RTN3: variants seen among roughly 807,000 people sequenced by gnomAD.
The protein encoded by RTN3 is reticulon-3.
In RTN3, 49 loss-of-function variants were observed where a neutral mutation model predicts 77.8. The ratio of observed to expected loss-of-function variants is 0.63; its 90% CI spans 0.50 to 0.80. The LOEUF (loss-of-function observed/expected upper bound fraction) is 0.80. Among genes scored for constraint, RTN3 ranks in the 30% least tolerant of loss-of-function variants. The probability of loss-of-function intolerance (pLI) is 0.00; values close to 1 mark genes in which losing one functional copy is unlikely to be tolerated. For missense variants in RTN3, 1,236 were observed against 1,211.9 expected (o/e 1.02, Z -0.29); for synonymous variants, 464 against 446.9 (o/e 1.04, Z -0.48).
chr11:63,717,175 A>G (rs1470670324), intron 2 of RTN3, among the ~76,000 whole-genome samples: 1 of 151,858 alleles, frequency 6.6e-6, no homozygotes, highest in Non-Finnish European at 1.5e-5. Context: ...AATACAAACA[A>G]ACAAATAAAT....
At chr11:63,756,070 T>A (rs777747721) in intron 7 of RTN3, 42 bp from the exon 8 acceptor site, 2 of 1,423,360 alleles carry the variant, frequency 1.4e-6, no homozygotes, top group East Asian at 4.6e-5. Flanking sequence ...AAATTGGTGA[T>A]CTGTATGTTA....
rs193091338 is a variant in RTN3, at chr11:63,695,082, G to T, written c.143-9769G>T. 2.1e-3 allele frequency among the ~76,000 whole-genome samples: 314 copies of T among 152,226 alleles called. 2 individuals are homozygous for T. The highest frequency in any genetic ancestry group is 3.5e-3 in the Non-Finnish European group (240 of 68,010). On this transcript the variant is annotated intron_variant, in intron 1 of 8. Transcript: ENST00000377819. ...AATCTAAAAATCTCTTAGAGTTTGG[G>T]TTTCAGCAAACATTTATGAAGCTCC...
rs2012322756 is a variant in RTN3 at position 63,726,915 on chromosome 11, C to CCTG, written c.2530+5883_2530+5884insCTG. Among the ~76,000 whole-genome samples the CCTG allele has an allele frequency of 2.8e-5, 4 of 143,376 alleles. No homozygotes were observed. In the South Asian group the frequency reaches 8.9e-4, roughly 32 times the overall value. The allele number at this position is 143,376 out of a possible 152,430, so 94.1% of individuals were successfully genotyped here. A position where few individuals can be genotyped will look rare whatever the true frequency, so the allele number is the denominator to read the frequency against. The stretch of plus-strand genomic sequence containing the variant: ...CCGAGTTTGTAGTTTGAAGGCCAGG[C>CCTG]ACAGTGGCTCATGCCTGTAATCCCA... On this transcript the variant is annotated intron_variant, in intron 3 of 8. Coordinates refer to ENST00000377819, the MANE Select transcript of RTN3 (RefSeq NM_001265589.2).
At chr11:63,755,321 G>A (rs892724698) in intron 7 of RTN3, among the ~76,000 whole-genome samples, 23 of 152,238 alleles carry the variant, frequency 1.5e-4, no homozygotes, top group African/African-American at 4.8e-4. Context: ...TGTTTATGGT[G>A]TAATTTGGAT....
intron 2 of RTN3, among the ~76,000 whole-genome samples, chr11:63,712,072 C>T (rs1363482305): frequency 1.3e-5 from 2 of 152,188 alleles, no homozygotes; most frequent in South Asian, 2.1e-4. Flanking sequence ...TTTGTACCAA[C>T]GTATTCAGAC....
At chr11:63,709,692 G>A (rs536413536) in intron 2 of RTN3, among the ~76,000 whole-genome samples, 2 of 152,058 alleles carry the variant, frequency 1.3e-5, no homozygotes, top group African/African-American at 4.8e-5. Context: ...TTGATGCTGT[G>A]GCTGCAAGTT....
Position 63,746,151 on chromosome 11 carries a change from G to T in RTN3, c.2531-3840G>T, listed in dbSNP as rs140192678. ...TCTGATTTGCATCTAGGCACATGTC[G>T]TCTTTATCCCTTTTCCTTCTCTGAT... On this transcript the variant is annotated intron_variant, in intron 3 of 8. Coordinates refer to ENST00000377819, the MANE Select transcript of RTN3 (RefSeq NM_001265589.2). 2.6e-5 allele frequency among the ~76,000 whole-genome samples: 4 copies of T among 152,232 alleles called. No individual in the cohort carries two copies. The East Asian group carries it at 5.8e-4, about 22-fold the overall frequency.
intron 1 of RTN3, among the ~76,000 whole-genome samples, chr11:63,695,019 C>G (rs1039217052): frequency 1.3e-5 from 2 of 152,144 alleles, no homozygotes; most frequent in Non-Finnish European, 2.9e-5. Context: ...TGTCCAGTTA[C>G]TAGTTACTAC....
chr11:63,747,569 A>G (rs749432567), intron 3 of RTN3, among the ~76,000 whole-genome samples: 1 of 152,124 alleles, frequency 6.6e-6, no homozygotes, highest in Non-Finnish European at 1.5e-5. Flanking sequence ...CTTATATACA[A>G]TCAGCATATT....
chr11:63,711,351 G>A (rs2011155602), intron 2 of RTN3, among the ~76,000 whole-genome samples: 2 of 151,508 alleles, frequency 1.3e-5, no homozygotes, highest in African/African-American at 2.4e-5. Flanking sequence ...AAGTTCTCTT[G>A]TGGGGTTTTT....
At chr11:63,701,436 A>G (rs1392436058) in intron 1 of RTN3, among the ~76,000 whole-genome samples, 1 of 152,268 alleles carries the variant, frequency 6.6e-6, no homozygotes, top group Non-Finnish European at 1.5e-5. Context: ...TTTTATTTAA[A>G]TCATCTACAT....
intron 3 of RTN3, 69 bp downstream of exon 3, chr11:63,721,101 A>T (rs17615385): frequency 0.046 from 63,424 of 1,387,488 alleles, 1,795 homozygotes; most frequent in South Asian, 0.1. Flanking sequence ...CGTGCCATTT[A>T]TGTTAGTCTG....
chr11:63,686,492 A>G (rs901791795), intron 1 of RTN3, among the ~76,000 whole-genome samples: 4 of 147,248 alleles, frequency 2.7e-5, no homozygotes, highest in African/African-American at 7.5e-5. Flanking sequence ...AAAAAAAAAG[A>G]ACAAATTCTA....
At chr11:63,714,782 A>G (rs1310360143) in intron 2 of RTN3, among the ~76,000 whole-genome samples, 1 of 152,022 alleles carries the variant, frequency 6.6e-6, no homozygotes, top group Non-Finnish European at 1.5e-5. Flanking sequence ...CAAAGTTCTA[A>G]GATACAGGCA....
At chr11:63,702,577 G>T (rs1406902637) in intron 1 of RTN3, among the ~76,000 whole-genome samples, 1 of 151,850 alleles carries the variant, frequency 6.6e-6, no homozygotes, top group Non-Finnish European at 1.5e-5. Flanking sequence ...ACCTCCCAAA[G>T]TGCTGGGATT....
intron 1 of RTN3, among the ~76,000 whole-genome samples, chr11:63,689,685 C>T (rs188078149): frequency 1.3e-5 from 2 of 151,170 alleles, no homozygotes; most frequent in East Asian, 3.9e-4. Flanking sequence ...ATCATTGTAA[C>T]CTAACCAGAG....
intron 3 of RTN3, among the ~76,000 whole-genome samples, chr11:63,739,669 C>G (rs2013344816): frequency 6.6e-6 from 1 of 152,194 alleles, no homozygotes; most frequent in African/African-American, 2.4e-5. Flanking sequence ...AGGATCTACT[C>G]CCCATCCCAC....
intron 3 of RTN3, among the ~76,000 whole-genome samples, chr11:63,723,918 ATAT>A (rs2012012910): frequency 6.6e-6 from 1 of 152,140 alleles, no homozygotes; most frequent in Admixed American, 6.6e-5. Flanking sequence ...AGCCTTTATC[ATAT>A]TATAGTTGGT....
intron 3 of RTN3, among the ~76,000 whole-genome samples, chr11:63,733,122 C>T (rs1337677774): frequency 6.6e-6 from 1 of 151,058 alleles, no homozygotes; most frequent in African/African-American, 2.4e-5. Context: ...CAAAACCAGC[C>T]TGGCCAACAT....
Sources: allele counts gnomAD v4.1 joint callset (sites outside exome capture counted in the v4.1 genomes callset), GRCh38; gene constraint gnomAD v4.1.1; transcripts MANE v1.5; gene names NCBI Gene and HGNC (gene_info 2026-07-23, HGNC 2026-07-21).